The following NSMCE1 variants were observed in gnomAD, a reference collection of about 807,000 sequenced individuals.
The protein encoded by NSMCE1 is NSE1 component of SMC5/6 complex.
NSMCE1 carries 18 observed loss-of-function variants against 29.6 expected under a neutral mutation model. That is an observed-to-expected ratio of 0.61 (90% CI 0.42 to 0.90). NSMCE1 has a LOEUF of 0.90. Ranked by LOEUF, NSMCE1 falls within the 40% of genes least tolerant of loss-of-function variation. The pLI is 0.00. For missense variants in NSMCE1, 314 were observed against 343.6 expected (o/e 0.91, Z 0.68); for synonymous variants, 124 against 133.4 (o/e 0.93, Z 0.49).
At chr16:27,239,852 A>G (rs2083871643) in intron 2 of NSMCE1, among the ~76,000 whole-genome samples, 1 of 152,234 alleles carries the variant, frequency 6.6e-6, no homozygotes, top group African/African-American at 2.4e-5. Context: ...TCTACTTGGA[A>G]GAGGCAGGGT....
chr16:27,242,056 CATAA>C (rs1567277560), intron 2 of NSMCE1, among the ~76,000 whole-genome samples: 1 of 152,170 alleles, frequency 6.6e-6, no homozygotes, highest in Non-Finnish European at 1.5e-5. Flanking sequence ...CAGGTACAAA[CATAA>C]ATAAAACAAG....
intron 1 of NSMCE1, among the ~76,000 whole-genome samples, chr16:27,261,030 G>A (rs2084150458): frequency 6.6e-6 from 1 of 151,524 alleles, no homozygotes; most frequent in Non-Finnish European, 1.5e-5. Flanking sequence ...AGCCAGGCAT[G>A]GTGGTGCGTG....
chr16:27,250,044 A>C, intron 2 of NSMCE1, among the ~76,000 whole-genome samples: 1 of 152,176 alleles, frequency 6.6e-6, no homozygotes, highest in East Asian at 1.9e-4. Flanking sequence ...CTATTTTTAC[A>C]TTACCATTTC....
chr16:27,231,939 G>A (rs2083767004), intron 5 of NSMCE1, among the ~76,000 whole-genome samples: 1 of 152,144 alleles, frequency 6.6e-6, no homozygotes, highest in Non-Finnish European at 1.5e-5. Flanking sequence ...GCGCCCAGCA[G>A]ATCCTGCACT....
At chr16:27,256,160 A>G (rs191507258) in intron 2 of NSMCE1, among the ~76,000 whole-genome samples, 1 of 152,038 alleles carries the variant, frequency 6.6e-6, no homozygotes, top group African/African-American at 2.4e-5. Context: ...GCTCACTTCT[A>G]TGTCATTTTT....
chr16:27,256,459 CT>C (rs1468116032), intron 2 of NSMCE1, among the ~76,000 whole-genome samples: 1 of 152,224 alleles, frequency 6.6e-6, no homozygotes, highest in Non-Finnish European at 1.5e-5. Flanking sequence ...TTCTGGTCCA[CT>C]TTTATACCTT....
At chr16:27,236,072 G>A (rs2083820671) in intron 2 of NSMCE1, among the ~76,000 whole-genome samples, 1 of 152,174 alleles carries the variant, frequency 6.6e-6, no homozygotes, top group Non-Finnish European at 1.5e-5. Flanking sequence ...CCAGCAGGAT[G>A]CTCACAGCCC....
intron 2 of NSMCE1, among the ~76,000 whole-genome samples, chr16:27,238,765 C>G (rs1054936521): frequency 6.6e-6 from 1 of 152,076 alleles, no homozygotes; most frequent in Non-Finnish European, 1.5e-5. Context: ...CTACAGAGGG[C>G]CAGCTGCTCT....
At chr16:27,230,714 C>T (rs763154301) in intron 5 of NSMCE1, 1 of 152,318 alleles carries the variant, frequency 6.6e-6, no homozygotes, top group African/African-American at 2.4e-5. Context: ...TCTAGGGCTA[C>T]TGCCCAGCGC....
At chr16:27,259,498 G>T (rs2084130539) in intron 1 of NSMCE1, among the ~76,000 whole-genome samples, 1 of 152,100 alleles carries the variant, frequency 6.6e-6, no homozygotes, top group African/African-American at 2.4e-5. Context: ...ACAAACTAAG[G>T]GTCTTGAAGC....
At chr16:27,254,726 T>C (rs528917816) in intron 2 of NSMCE1, among the ~76,000 whole-genome samples, 1 of 152,134 alleles carries the variant, frequency 6.6e-6, no homozygotes, top group South Asian at 2.1e-4. Flanking sequence ...GCTAGGACCA[T>C]AGGTGTGTGC....
intron 7 of NSMCE1, 137 bp from the exon 8 acceptor site, chr16:27,225,373 C>T (rs185964161): frequency 6.2e-6 from 4 of 647,856 alleles, no homozygotes; most frequent in African/African-American, 5.4e-5. Flanking sequence ...CTAACCCTCC[C>T]CAGCCCGTGA....
intron 2 of NSMCE1, among the ~76,000 whole-genome samples, chr16:27,240,720 C>T (rs1369733266): frequency 6.6e-6 from 1 of 152,232 alleles, no homozygotes; most frequent in African/African-American, 2.4e-5. Context: ...TGGCTCAAGT[C>T]ATCTTGAGAG....
chr16:27,238,895 A>G, intron 2 of NSMCE1, among the ~76,000 whole-genome samples: 1 of 146,512 alleles, frequency 6.8e-6, no homozygotes, highest in African/African-American at 2.6e-5. Context: ...TTTGAGATGG[A>G]GTGTCACTCC....
chr16:27,268,189 T>A (rs538958218), intron 1 of NSMCE1: 4 of 152,078 alleles, frequency 2.6e-5, no homozygotes, highest in East Asian at 1.9e-4. Flanking sequence ...AACTCCTCGA[T>A]TTTAAACGCA....
intron 2 of NSMCE1, among the ~76,000 whole-genome samples, chr16:27,251,472 G>T (rs76388641): frequency 0.021 from 3,239 of 152,030 alleles, 111 homozygotes; most frequent in African/African-American, 0.073. Context: ...AACCCTACTT[G>T]GTTATGTCGT....
intron 2 of NSMCE1, among the ~76,000 whole-genome samples, chr16:27,253,142 A>C (rs2084052503): frequency 1.3e-5 from 2 of 152,128 alleles, no homozygotes; most frequent in South Asian, 4.1e-4. Flanking sequence ...AATGTAAGTA[A>C]AGTGTTTTCC....
At chr16:27,262,960 G>A (rs577247989) in intron 1 of NSMCE1, among the ~76,000 whole-genome samples, 2 of 152,262 alleles carry the variant, frequency 1.3e-5, no homozygotes. Context: ...CAGTATCACT[G>A]ATCATTAGAG....
intron 2 of NSMCE1, among the ~76,000 whole-genome samples, chr16:27,253,202 A>T (rs1198390207): frequency 6.6e-6 from 1 of 152,248 alleles, no homozygotes; most frequent in African/African-American, 2.4e-5. Context: ...AGAGGGAGTT[A>T]TGGGAACCAC....
Sources: allele counts gnomAD v4.1 joint callset (sites outside exome capture counted in the v4.1 genomes callset), GRCh38; gene constraint gnomAD v4.1.1; transcripts MANE v1.5; gene names NCBI Gene and HGNC (gene_info 2026-07-23, HGNC 2026-07-21).